The following CNTN1 variants were observed in gnomAD, a reference collection of about 807,000 sequenced individuals.
CNTN1 encodes the protein contactin 1.
A neutral mutation model predicts 126.4 loss-of-function variants in CNTN1; 38 were observed. The ratio of observed to expected loss-of-function variants is 0.30; its 90% CI spans 0.23 to 0.39. CNTN1 has a LOEUF of 0.39. CNTN1 is among the 10% of genes least tolerant of loss of function. The pLI is 1.00. For missense variants in CNTN1, 1,009 were observed against 1,248.4 expected (o/e 0.81, Z 2.89); for synonymous variants, 413 against 422.6 (o/e 0.98, Z 0.28).
intron 1 of CNTN1, among the ~76,000 whole-genome samples, chr12:40,773,696 C>CATATAT (rs369635772): frequency 0.013 from 258 of 19,840 alleles, 2 homozygotes; most frequent in African/African-American, 0.02. Flanking sequence ...TATATATACA[C>CATATAT]ATATATATAT....
chr12:40,718,529 T>C (rs1942107562), intron 1 of CNTN1, among the ~76,000 whole-genome samples: 1 of 152,110 alleles, frequency 6.6e-6, no homozygotes, highest in Non-Finnish European at 1.5e-5. Context: ...CAGTCAACAC[T>C]GGGGGCTGGG....
At chr12:40,785,953 G>A (rs1375666729) in intron 1 of CNTN1, among the ~76,000 whole-genome samples, 1 of 152,074 alleles carries the variant, frequency 6.6e-6, no homozygotes. Context: ...CAACATTGGG[G>A]ATTACATTTC....
At chr12:40,756,782 G>A (rs1401318081) in intron 1 of CNTN1, among the ~76,000 whole-genome samples, 1 of 152,114 alleles carries the variant, frequency 6.6e-6, no homozygotes, top group East Asian at 1.9e-4. Context: ...TCTCTGCTTT[G>A]TTGCTTGCTT....
chr12:40,722,559 C>A (rs1464719244), intron 1 of CNTN1, among the ~76,000 whole-genome samples: 1 of 152,028 alleles, frequency 6.6e-6, no homozygotes, highest in Non-Finnish European at 1.5e-5. Context: ...AACAGAGAGT[C>A]AAAATAGTTA....
chr12:40,903,722 G>A (rs1002799508), intron 1 of CNTN1, among the ~76,000 whole-genome samples: 15 of 152,090 alleles, frequency 9.9e-5, no homozygotes, highest in Non-Finnish European at 2.1e-4. Context: ...CATGCTGCTG[G>A]GGGATGTCTC....
chr12:40,692,972 G>C (rs1941340674), intron 1 of CNTN1, among the ~76,000 whole-genome samples: 2 of 152,232 alleles, frequency 1.3e-5, no homozygotes, highest in Admixed American at 6.5e-5. Flanking sequence ...TCGGCAGCCC[G>C]GGGCCTGCAG....
chr12:41,063,615 C>T (rs1949986920), intron 23 of CNTN1, among the ~76,000 whole-genome samples: 1 of 152,200 alleles, frequency 6.6e-6, no homozygotes, highest in Non-Finnish European at 1.5e-5. Context: ...AAGCTACCAT[C>T]TTCTTACATG....
At chr12:41,018,333 A>C (rs1018276005) in intron 19 of CNTN1, among the ~76,000 whole-genome samples, 2 of 151,992 alleles carry the variant, frequency 1.3e-5, no homozygotes, top group Non-Finnish European at 2.9e-5. Context: ...GGTTCACCCA[A>C]CTTCCATTGT....
chr12:40,970,267 C>T (rs975812421), intron 15 of CNTN1, among the ~76,000 whole-genome samples: 5 of 151,820 alleles, frequency 3.3e-5, no homozygotes, highest in African/African-American at 9.7e-5. Context: ...TCTCAAATCA[C>T]AGATAAGCAA....
chr12:40,914,976 A>T (rs1245660568), intron 3 of CNTN1, among the ~76,000 whole-genome samples: 2 of 152,116 alleles, frequency 1.3e-5, no homozygotes, highest in African/African-American at 4.8e-5. Flanking sequence ...AGTATGTGAC[A>T]TTCTATAATT....
At chr12:40,864,801 CTG>C (rs1199018568) in intron 1 of CNTN1, among the ~76,000 whole-genome samples, 1 of 152,090 alleles carries the variant, frequency 6.6e-6, no homozygotes, top group East Asian at 1.9e-4. Context: ...CAATGACTAT[CTG>C]TAAGTTTTGT....
chr12:40,860,509 TG>T (rs1943078792), intron 1 of CNTN1, among the ~76,000 whole-genome samples: 1 of 152,186 alleles, frequency 6.6e-6, no homozygotes, highest in African/African-American at 2.4e-5. Context: ...CCTGTATTTC[TG>T]ATCAACGGGC....
chr12:40,707,229 T>TTTC, intron 1 of CNTN1, among the ~76,000 whole-genome samples: 1 of 1,506 alleles, frequency 6.6e-4, no homozygotes, highest in African/African-American at 1.1e-3. Flanking sequence ...TTCTTTTTCT[T>TTTC]TTTTTTTTTT....
At chr12:41,031,581 G>A (rs1170398834) in intron 23 of CNTN1, among the ~76,000 whole-genome samples, 3 of 152,014 alleles carry the variant, frequency 2.0e-5, no homozygotes, top group Admixed American at 6.6e-5. Context: ...GGGTTGTATC[G>A]GTTGATTTCA....
chr12:40,706,281 A>C (rs1297882158), intron 1 of CNTN1, among the ~76,000 whole-genome samples: 1 of 107,328 alleles, frequency 9.3e-6, no homozygotes, highest in Non-Finnish European at 1.7e-5. Context: ...CTGATGCTTT[A>C]ACCAGAGAGA....
chr12:40,771,306 G>A (rs1175273963), intron 1 of CNTN1, among the ~76,000 whole-genome samples: 1 of 151,982 alleles, frequency 6.6e-6, no homozygotes, highest in Admixed American at 6.6e-5. Flanking sequence ...CTTCATATCA[G>A]TCTGTCATCC....
intron 1 of CNTN1, among the ~76,000 whole-genome samples, chr12:40,771,578 G>C (rs1212246261): frequency 6.6e-6 from 1 of 151,880 alleles, no homozygotes; most frequent in African/African-American, 2.4e-5. Context: ...CTCAATTCAG[G>C]ATTAGTCAAT....
intron 1 of CNTN1, among the ~76,000 whole-genome samples, chr12:40,712,589 C>A (rs543279464): frequency 6.6e-6 from 1 of 152,042 alleles, no homozygotes; most frequent in African/African-American, 2.4e-5. Context: ...GCAAGCCCAA[C>A]CAACCCCATA....
chr12:40,785,692 G>A (rs1261244886), intron 1 of CNTN1, among the ~76,000 whole-genome samples: 1 of 152,044 alleles, frequency 6.6e-6, no homozygotes, highest in East Asian at 1.9e-4. Context: ...TTAGGATGGG[G>A]CAGAAACAAA....
Sources: gnomAD v4.1 joint callset for allele counts (sites outside exome capture counted in the v4.1 genomes callset) on GRCh38, gnomAD v4.1.1 for gene constraint, MANE v1.5 for transcripts, NCBI Gene and HGNC (gene_info 2026-07-23, HGNC 2026-07-21) for gene names.